The following AKAP7 variants were observed in gnomAD, a reference collection of about 807,000 sequenced individuals.
AKAP7 encodes A-kinase anchoring protein 7.
Under a neutral mutation model 39.5 loss-of-function variants are expected in AKAP7, and 39 were observed. The ratio of observed to expected loss-of-function variants is 0.99; its 90% CI spans 0.76 to 1.29. The LOEUF is 1.29. Among genes scored for constraint, AKAP7 ranks in the 50% most tolerant of loss-of-function variants. The probability of loss-of-function intolerance (pLI) is 0.00; values close to 1 mark genes in which losing one functional copy is unlikely to be tolerated. For missense variants in AKAP7, 414 were observed against 407.7 expected, an observed-to-expected ratio of 1.02 and a Z score of -0.13; for synonymous variants, 140 against 139.1, an observed-to-expected ratio of 1.01 and a Z score of -0.05.
rs1815238780 is a variant in AKAP7, at chr6:131,281,980, C to T, written c.*254C>T. 2.5e-6 allele frequency: 3 copies of T among 1,190,214 alleles called. No individual in the cohort carries two copies. Among genetic ancestry groups the T allele is most frequent in the African/African-American group, 1.6e-5 (1 of 63,412 alleles). 73.7% of individuals were successfully genotyped at this position (1,190,214 alleles called of 1,614,324 possible). ...CAAGTTTCATTCGCCCTCAGCCACGCACAAGGGAAAGGGAACTTTGGGTTA... is the reference window on the plus strand; with the variant it reads ...CAAGTTTCATTCGCCCTCAGCCACGTACAAGGGAAAGGGAACTTTGGGTTA... On this transcript the variant is annotated 3_prime_UTR_variant, in exon 8 of 8. Transcript: ENST00000431975. The surrounding 1 kb of genome is among the most constrained non-coding windows in gnomAD (Gnocchi z 4.0).
At chr6:131,151,267 T>A (rs1034515621) in intron 2 of AKAP7, among the ~76,000 whole-genome samples, 6 of 151,794 alleles carry the variant, frequency 4.0e-5, no homozygotes, top group Admixed American at 2.0e-4. Context: ...GGTTTCAAAC[T>A]CGTGGGCTCA....
intron 4 of AKAP7, among the ~76,000 whole-genome samples, chr6:131,166,471 T>G (rs1258644515): frequency 6.6e-6 from 1 of 152,198 alleles, no homozygotes; most frequent in Non-Finnish European, 1.5e-5. Context: ...TATATCTTTA[T>G]GTAGAGAGAT....
intron 1 of AKAP7, among the ~76,000 whole-genome samples, chr6:131,139,656 A>G (rs1348029920): frequency 1.3e-5 from 2 of 152,200 alleles, no homozygotes; most frequent in Non-Finnish European, 2.9e-5. Flanking sequence ...TCAAATGTGG[A>G]CTTACCTTTA....
chr6:131,187,917 A>G (rs1214233331), intron 5 of AKAP7, among the ~76,000 whole-genome samples: 1 of 152,182 alleles, frequency 6.6e-6, no homozygotes, highest in Non-Finnish European at 1.5e-5. Flanking sequence ...ATAAGAAGGG[A>G]CCTGAGAGAC....
chr6:131,186,429 AT>A (rs569543906), intron 5 of AKAP7, among the ~76,000 whole-genome samples: 5 of 150,228 alleles, frequency 3.3e-5, no homozygotes, highest in Admixed American at 6.7e-5. Flanking sequence ...AGTCTCAGGT[AT>A]TTTTTTTTTA....
chr6:131,201,078 A>G (rs1187643931), intron 6 of AKAP7, among the ~76,000 whole-genome samples: 5 of 152,202 alleles, frequency 3.3e-5, no homozygotes, highest in African/African-American at 1.2e-4. Flanking sequence ...ATCTTACCCT[A>G]TAGAAAAGTA....
chr6:131,250,226 A>G (rs542844363), intron 7 of AKAP7: 159 of 1,032,184 alleles, frequency 1.5e-4, no homozygotes, highest in Non-Finnish European at 4.0e-5. Context: ...TCTTAAAGAC[A>G]TATGCAAATA....
rs1043571980 is a variant in AKAP7, at chr6:131,179,893, AAAT to A, written c.589+10626_589+10628del. 5.4e-3 allele frequency among the ~76,000 whole-genome samples: 816 copies of A among 149,970 alleles called. 8 individuals are homozygous for A. The highest frequency in any genetic ancestry group is 0.017 in the African/African-American group (695 of 40,866). On this transcript the variant is annotated intron_variant, in intron 5 of 7. Coordinates refer to ENST00000431975, the MANE Select transcript of AKAP7 (RefSeq NM_016377.4). ...CAAATAAATAAATAAATAAATAAATAAATAATAAATAAATAAATAAGTTGTTAA... is the reference window on the plus strand; with the variant it reads ...CAAATAAATAAATAAATAAATAAATAAATAAATAAATAAATAAGTTGTTAA...
At chr6:131,272,170 T>G (rs1454790472) in intron 7 of AKAP7, among the ~76,000 whole-genome samples, 1 of 152,226 alleles carries the variant, frequency 6.6e-6, no homozygotes, top group Admixed American at 6.5e-5. Context: ...TTGTTTATAT[T>G]TCCTGATTAT....
rs571136326 is a variant in AKAP7 at position 131,146,165 on chromosome 6, G to C, written c.151+749G>C. 7.2e-5 allele frequency among the ~76,000 whole-genome samples: 11 copies of C among 152,246 alleles called. No individual in the cohort carries two copies. The East Asian group carries it at 1.9e-3, about 27-fold the overall frequency. The stretch of plus-strand genomic sequence containing the variant: ...GATGGGCATTATCACTGCCCCAAAG[G>C]AGCTCAACAGGTTAATAGTGAGAAC... On this transcript the variant is annotated intron_variant, in intron 2 of 7. Coordinates refer to ENST00000431975, the MANE Select transcript of AKAP7 (RefSeq NM_016377.4).
At chr6:131,227,417 A>G (rs891335559) in intron 7 of AKAP7, among the ~76,000 whole-genome samples, 2 of 152,180 alleles carry the variant, frequency 1.3e-5, no homozygotes, top group Admixed American at 1.3e-4. Context: ...ATAGTTACAT[A>G]CACTGAGGCA....
In AKAP7 at chr6:131,253,032, C is replaced by T. The variant is rs979223389; in HGVS notation, c.851-28498C>T. 3 of 1,613,166 alleles carry T rather than the reference C, an allele frequency of 1.9e-6. No individual in the cohort carries two copies. In the Admixed American group the frequency reaches 5.0e-5, roughly 27 times the overall value. On this transcript the variant is annotated intron_variant, in intron 7 of 7. Coordinates refer to ENST00000431975, the MANE Select transcript of AKAP7 (RefSeq NM_016377.4). ...AAATTTGTGGGTGTTATTCTCAAAACACAGGTGAGTTGGAAAGCTCGTCCT... is the reference window on the plus strand; with the variant it reads ...AAATTTGTGGGTGTTATTCTCAAAATACAGGTGAGTTGGAAAGCTCGTCCT...
In AKAP7 at chr6:131,282,792, GT is replaced by G; in HGVS notation, c.*1070del. 2.1e-6 allele frequency: 1 copy of G among 484,966 alleles called. No individual in the cohort carries two copies. The highest frequency in any genetic ancestry group is 3.6e-6 in the Non-Finnish European group (1 of 276,650). The allele number at this position is 484,966 out of a possible 1,614,324, so 30.0% of individuals were successfully genotyped here. On this transcript the variant is annotated 3_prime_UTR_variant, in exon 8 of 8. Transcript: ENST00000431975. Reference sequence around the variant, plus strand: ...CAATTATTTTTTGAGCTACACTTGTGTTTTAGAATATCTGTTTCTGTAATAT... The same window carrying G: ...CAATTATTTTTTGAGCTACACTTGTGTTTAGAATATCTGTTTCTGTAATAT...
At chr6:131,136,782 G>A in intron 1 of AKAP7, 1 of 875,006 alleles carries the variant, frequency 1.1e-6, no homozygotes, top group Non-Finnish European at 1.4e-6. Context: ...GAGGAGGAAA[G>A]GAAAGCCTGG....
intron 7 of AKAP7, among the ~76,000 whole-genome samples, chr6:131,223,545 C>T (rs1439936012): frequency 3.9e-5 from 6 of 152,122 alleles, no homozygotes. Flanking sequence ...TTCATCTTTT[C>T]AGAATCTCTG....
At chr6:131,166,545 A>T (rs1391550417) in intron 4 of AKAP7, among the ~76,000 whole-genome samples, 3 of 152,206 alleles carry the variant, frequency 2.0e-5, no homozygotes, top group African/African-American at 7.2e-5. Context: ...GCAGTCTGGA[A>T]GGGAAGAGTT....
chr6:131,167,266 A>G (rs901407800), intron 4 of AKAP7, among the ~76,000 whole-genome samples: 3 of 152,154 alleles, frequency 2.0e-5, no homozygotes, highest in African/African-American at 7.2e-5. Flanking sequence ...ATTCCTTCTT[A>G]CTCTGTGAAT....
At chr6:131,189,485 A>G (rs550421132) in intron 5 of AKAP7, among the ~76,000 whole-genome samples, 1 of 116,556 alleles carries the variant, frequency 8.6e-6, no homozygotes, top group South Asian at 3.5e-4. Flanking sequence ...GTAAATATTT[A>G]TCTTGCAAAA....
At chr6:131,201,458 A>T (rs940572429) in intron 6 of AKAP7, among the ~76,000 whole-genome samples, 3 of 152,058 alleles carry the variant, frequency 2.0e-5, no homozygotes, top group Non-Finnish European at 4.4e-5. Context: ...TTTCTTGTAA[A>T]TTTGTTTGAG....
Sources: gnomAD v4.1 joint callset for allele counts (sites outside exome capture counted in the v4.1 genomes callset) on GRCh38, gnomAD v4.1.1 for gene constraint, Gnocchi (gnomAD v3.1) non-coding constraint, MANE v1.5 for transcripts, NCBI Gene and HGNC (gene_info 2026-07-23, HGNC 2026-07-21) for gene names.